Variants in BMP7 observed in about 807,000 individuals in gnomAD.
The protein encoded by BMP7 is osteogenic protein 1.
In BMP7, 12 loss-of-function variants were observed where a neutral mutation model predicts 41.2. The ratio of observed to expected loss-of-function variants is 0.29; its 90% CI spans 0.19 to 0.47. The LOEUF (loss-of-function observed/expected upper bound fraction) is 0.47. Ranked by LOEUF, BMP7 falls within the 20% of genes least tolerant of loss-of-function variation. The probability of loss-of-function intolerance (pLI) is 0.99; values close to 1 mark genes in which losing one functional copy is unlikely to be tolerated. For missense variants in BMP7, 467 were observed against 606.0 expected (o/e 0.77, Z 2.41); for synonymous variants, 248 against 250.0 (o/e 0.99, Z 0.07).
At position 57,224,962 on chromosome 20, in the gene BMP7, A is replaced by T. The variant is rs1018596382; in HGVS notation, c.611+3267T>A. On this transcript the variant is annotated intron_variant, in intron 2 of 6. Coordinates refer to ENST00000395863, the MANE Select transcript of BMP7 (RefSeq NM_001719.3). This position sits in a 1 kb window ranked among gnomAD's most constrained non-coding sequence, Gnocchi z 4.8. ...CACAAGGGGAGAGACGCTGAGGCTG[A>T]CCCAAAGCCGGCTAATCCTCGGCAC... The T allele has an allele frequency of 1.3e-5, 2 of 152,308 alleles. No individual in the cohort carries two copies. Among genetic ancestry groups the T allele is most frequent in the African/African-American group, 2.4e-5 (1 of 41,464 alleles). 9.4% of individuals were successfully genotyped at this position (152,308 alleles called of 1,614,324 possible).
intron 1 of BMP7, among the ~76,000 whole-genome samples, chr20:57,255,779 G>A (rs1384809766): frequency 1.8e-5 from 2 of 113,654 alleles, no homozygotes; most frequent in African/African-American, 7.2e-5. Flanking sequence ...CAGCCTGGGG[G>A]ATAGCGAGAG....
rs763828816 is a variant in BMP7, at chr20:57,224,012, C to CAAAAT, written c.611+4212_611+4216dup. On this transcript the variant is annotated intron_variant, in intron 2 of 6. Coordinates refer to ENST00000395863, the MANE Select transcript of BMP7 (RefSeq NM_001719.3). This position sits in a 1 kb window ranked among gnomAD's most constrained non-coding sequence, Gnocchi z 4.8. ...CACCTACCTTCTCAGGTTTATGGAC[C>CAAAAT]AAAATCATCACGGCGTCCCCAGGGA... is the stretch of plus-strand genomic sequence containing the variant. Among the ~76,000 whole-genome samples the CAAAAT allele has an allele frequency of 3.8e-4, 58 of 152,296 alleles. No individual in the cohort carries two copies. Among genetic ancestry groups the CAAAAT allele is most frequent in the Middle Eastern group, 3.4e-3 (1 of 294 alleles).
intron 1 of BMP7, among the ~76,000 whole-genome samples, chr20:57,255,153 G>A (rs993872700): frequency 6.6e-6 from 1 of 152,032 alleles, no homozygotes; most frequent in Non-Finnish European, 1.5e-5. Context: ...TCTCCTCCAC[G>A]CTCCCCGCTA....
intron 2 of BMP7, among the ~76,000 whole-genome samples, chr20:57,222,992 T>C (rs1209410996): frequency 4.0e-5 from 6 of 151,832 alleles, no homozygotes; most frequent in African/African-American, 1.5e-4. Flanking sequence ...AGAACAGTCT[T>C]CTCTGAGACA....
chr20:57,265,067 G>GAAAAGAAA (rs1427503644), intron 1 of BMP7, among the ~76,000 whole-genome samples: 2 of 110,070 alleles, frequency 1.8e-5, no homozygotes, highest in Non-Finnish European at 3.9e-5. Context: ...GAAAAAAAAA[G>GAAAAGAAA]AAAAAAGAAA....
At chr20:57,234,101 TG>T (rs1187307821) in intron 1 of BMP7, among the ~76,000 whole-genome samples, 1 of 152,016 alleles carries the variant, frequency 6.6e-6, no homozygotes, top group Admixed American at 6.5e-5. Context: ...CCATCCCTCG[TG>T]TATCTGTCTC....
chr20:57,210,528 A>G (rs1984854028), intron 2 of BMP7, among the ~76,000 whole-genome samples: 3 of 152,210 alleles, frequency 2.0e-5, no homozygotes. Flanking sequence ...CAGGGGAGTA[A>G]GACTCCCATG....
intron 1 of BMP7, among the ~76,000 whole-genome samples, chr20:57,249,358 G>A (rs1357271939): frequency 1.3e-5 from 2 of 152,044 alleles, no homozygotes; most frequent in African/African-American, 2.4e-5. Context: ...CATGTGCAAC[G>A]GAAGAAGCAG....
At chr20:57,249,555 C>T (rs898002573) in intron 1 of BMP7, among the ~76,000 whole-genome samples, 3 of 152,044 alleles carry the variant, frequency 2.0e-5, no homozygotes, top group Non-Finnish European at 4.4e-5. Context: ...TCAAATGTCC[C>T]GGATTCTTTT....
At chr20:57,211,295 C>T (rs1984877851) in intron 2 of BMP7, among the ~76,000 whole-genome samples, 1 of 152,358 alleles carries the variant, frequency 6.6e-6, no homozygotes, top group Non-Finnish European at 1.5e-5. Context: ...AGGCTCAGGA[C>T]ACGCCTCTGC....
intron 1 of BMP7, among the ~76,000 whole-genome samples, chr20:57,248,927 T>A (rs1481260082): frequency 6.6e-6 from 1 of 152,010 alleles, no homozygotes; most frequent in Non-Finnish European, 1.5e-5. Context: ...GCCTCCTGAG[T>A]AGCTGGGACT....
intron 3 of BMP7, among the ~76,000 whole-genome samples, chr20:57,190,942 C>T (rs1026412520): frequency 6.6e-6 from 1 of 152,146 alleles, no homozygotes; most frequent in Non-Finnish European, 1.5e-5. Context: ...TTAGCAGTAC[C>T]CTTGGCCTCT....
intron 3 of BMP7, among the ~76,000 whole-genome samples, chr20:57,202,091 G>A (rs780492588): frequency 8.5e-5 from 13 of 152,144 alleles, no homozygotes; most frequent in South Asian, 2.1e-4. Flanking sequence ...ACACCCTGCC[G>A]TGCACGGAAC....
At chr20:57,242,103 T>C (rs2066072054) in intron 1 of BMP7, among the ~76,000 whole-genome samples, 1 of 152,182 alleles carries the variant, frequency 6.6e-6, no homozygotes, top group Non-Finnish European at 1.5e-5. Context: ...CCTCAGCTCA[T>C]TGAAATTGAG....
chr20:57,245,990 G>A (rs6064518), intron 1 of BMP7, among the ~76,000 whole-genome samples: 1 of 151,978 alleles, frequency 6.6e-6, no homozygotes, highest in Admixed American at 6.5e-5. Context: ...ATAAAGTTTA[G>A]AAACAGGCAA....
chr20:57,190,993 C>T (rs995551713), intron 3 of BMP7, among the ~76,000 whole-genome samples: 1 of 152,148 alleles, frequency 6.6e-6, no homozygotes, highest in Non-Finnish European at 1.5e-5. Context: ...TCATGACAAC[C>T]AAATATGTCT....
intron 2 of BMP7, among the ~76,000 whole-genome samples, chr20:57,206,425 G>C (rs1287528020): frequency 6.6e-6 from 1 of 152,208 alleles, no homozygotes; most frequent in African/African-American, 2.4e-5. Context: ...GGACACACCT[G>C]ATAAGTGGCA....
At position 57,170,589 on chromosome 20, in the gene BMP7, G is replaced by A. The variant is rs987195248; in HGVS notation, c.*370C>T. ...CACCAATGTGCCCACCCCTTGCCAC[G>A]CCCCCTTCCTCCCACGGCTGGGTGG... On this transcript the variant is annotated 3_prime_UTR_variant, in exon 7 of 7. Transcript: ENST00000395863. 5.1e-5 allele frequency: 17 copies of A among 331,922 alleles called. No individual in the cohort carries two copies. The East Asian group carries it at 6.1e-4, about 12-fold the overall frequency. The allele number at this position is 331,922 out of a possible 1,614,324, so 20.6% of individuals were successfully genotyped here.
intron 1 of BMP7, among the ~76,000 whole-genome samples, chr20:57,251,945 G>GCAAAA (rs1011413378): frequency 6.6e-6 from 1 of 152,002 alleles, no homozygotes; most frequent in African/African-American, 2.4e-5. Context: ...AAAAAACAAA[G>GCAAAA]CAAAACAAAA....
Sources: allele counts gnomAD v4.1 joint callset (sites outside exome capture counted in the v4.1 genomes callset), GRCh38; gene constraint gnomAD v4.1.1; non-coding constraint Gnocchi (gnomAD v3.1); transcripts MANE v1.5; gene names NCBI Gene and HGNC (gene_info 2026-07-23, HGNC 2026-07-21).